ROBO2: variants seen among roughly 807,000 people sequenced by gnomAD.
The protein encoded by ROBO2 is roundabout homolog 2.
A neutral mutation model predicts 160.8 loss-of-function variants in ROBO2; 53 were observed. That is an observed-to-expected ratio of 0.33 (90% CI 0.26 to 0.41). The LOEUF (loss-of-function observed/expected upper bound fraction) is 0.41, where lower values mean the gene tolerates loss of function less well. Among genes scored for constraint, ROBO2 ranks in the 10% least tolerant of loss-of-function variants. The pLI, the probability that ROBO2 is intolerant of heterozygous loss-of-function variation, is 1.00. For synonymous variants in ROBO2, 664 were observed against 611.7 expected (o/e 1.09, Z -1.26); for missense variants, 1,577 against 1,722.4 (o/e 0.92, Z 1.49).
chr3:76,603,341 AAAAAAAAAAAAT>A (rs2087335462), intron 2 of ROBO2, among the ~76,000 whole-genome samples: 2 of 55,448 alleles, frequency 3.6e-5, no homozygotes, highest in South Asian at 7.0e-4. Context: ...CCAAAAAAAA[AAAAAAAAAAAAT>A]ATATATATAT....
chr3:76,129,776 TTTCTAGAA>T (rs1229769718), intron 2 of ROBO2, among the ~76,000 whole-genome samples: 1 of 152,020 alleles, frequency 6.6e-6, no homozygotes, highest in Non-Finnish European at 1.5e-5. Flanking sequence ...GCTTGGAGTT[TTTCTAGAA>T]TATTGATTCA....
chr3:77,516,306 G>A (rs1472979425), intron 5 of ROBO2, among the ~76,000 whole-genome samples: 1 of 151,516 alleles, frequency 6.6e-6, no homozygotes, highest in African/African-American at 2.4e-5. Context: ...TAAAATGGGG[G>A]AAATAATAGC....
At chr3:76,530,882 C>T (rs1213684671) in intron 2 of ROBO2, among the ~76,000 whole-genome samples, 1 of 152,176 alleles carries the variant, frequency 6.6e-6, no homozygotes, top group African/African-American at 2.4e-5. Flanking sequence ...CTCTCTTTAC[C>T]TTCATTTCCC....
intron 2 of ROBO2, among the ~76,000 whole-genome samples, chr3:75,979,804 C>T (rs1473520421): frequency 1.3e-5 from 2 of 151,474 alleles, no homozygotes; most frequent in Non-Finnish European, 3.0e-5. Context: ...TTAATTTCTT[C>T]CAAAGTATAA....
intron 2 of ROBO2, among the ~76,000 whole-genome samples, chr3:75,962,739 A>G (rs1483515292): frequency 6.6e-6 from 1 of 151,798 alleles, no homozygotes; most frequent in Non-Finnish European, 1.5e-5. Context: ...TTCTGTAGCA[A>G]TTGTTTTCCA....
At chr3:76,372,247 A>G (rs1191103788) in intron 2 of ROBO2, among the ~76,000 whole-genome samples, 2 of 151,888 alleles carry the variant, frequency 1.3e-5, no homozygotes, top group Non-Finnish European at 2.9e-5. Flanking sequence ...TGCAGAGTCT[A>G]AGAATATTAG....
chr3:77,237,411 T>TTGTGTGTGTATG (rs1553862750), intron 2 of ROBO2, among the ~76,000 whole-genome samples: 3 of 131,046 alleles, frequency 2.3e-5, no homozygotes, highest in African/African-American at 8.3e-5. Flanking sequence ...TTGTTTTGTT[T>TTGTGTGTGTATG]TGTGTGTGTG....
rs1261876928 is a variant in ROBO2, at chr3:77,635,059, TTA to T, written c.3934+17_3934+18del. 7 of 1,613,432 alleles carry T rather than the reference TTA, an allele frequency of 4.3e-6. No individual in the cohort carries two copies. The highest frequency in any genetic ancestry group is 5.1e-6 in the Non-Finnish European group (6 of 1,179,586). On this transcript the variant is annotated intron_variant, in intron 24 of 25. Coordinates refer to ENST00000461745, the Ensembl canonical transcript of ROBO2. ...ATGACAGATGGTAGGTTTCTTCCCT[TTA>T]CTCTTGTTTCCTCGCTGAAGAGACG...
intron 2 of ROBO2, among the ~76,000 whole-genome samples, chr3:77,161,441 C>CA (rs2078477893): frequency 6.6e-6 from 1 of 152,098 alleles, no homozygotes; most frequent in Non-Finnish European, 1.5e-5. Context: ...TTATTAAGGA[C>CA]AAATGTGTGT....
intron 24 of ROBO2, among the ~76,000 whole-genome samples, chr3:77,639,040 G>T (rs940060189): frequency 6.6e-6 from 1 of 151,764 alleles, no homozygotes. Context: ...ATGAGGGCCA[G>T]GCTAGTCTTG....
At chr3:76,268,265 C>T (rs549342601) in intron 2 of ROBO2, among the ~76,000 whole-genome samples, 1 of 147,360 alleles carries the variant, frequency 6.8e-6, no homozygotes, top group South Asian at 2.2e-4. Flanking sequence ...GCAAAGAAAG[C>T]GAAGGGGAGG....
At chr3:77,266,623 T>C (rs1487036926) in intron 2 of ROBO2, among the ~76,000 whole-genome samples, 1 of 152,162 alleles carries the variant, frequency 6.6e-6, no homozygotes, top group Non-Finnish European at 1.5e-5. Context: ...TGGGTAGTGA[T>C]GAACTTTGGA....
intron 1 of ROBO2, among the ~76,000 whole-genome samples, chr3:75,923,660 CCAGTT>C (rs1400210056): frequency 6.6e-6 from 1 of 152,108 alleles, no homozygotes; most frequent in Non-Finnish European, 1.5e-5. Flanking sequence ...CAAATGAAAT[CCAGTT>C]CAGAGGAGGA....
At chr3:76,443,385 G>C (rs2077017782) in intron 2 of ROBO2, among the ~76,000 whole-genome samples, 1 of 152,016 alleles carries the variant, frequency 6.6e-6, no homozygotes, top group Non-Finnish European at 1.5e-5. Flanking sequence ...TACCATCCAT[G>C]GTCTCCCGCA....
At chr3:76,268,987 A>T (rs1241473739) in intron 2 of ROBO2, among the ~76,000 whole-genome samples, 1 of 152,108 alleles carries the variant, frequency 6.6e-6, no homozygotes, top group Non-Finnish European at 1.5e-5. Context: ...GTTTAATATT[A>T]TTTGTTTCAT....
rs1245520546 is a variant in ROBO2 at position 77,397,654 on chromosome 3, T to A, written c.389-79760T>A. Among the ~76,000 whole-genome samples the A allele has an allele frequency of 2.0e-5, 3 of 152,288 alleles. No individual in the cohort carries two copies. The South Asian group carries it at 6.2e-4, about 32-fold the overall frequency. ...TTTTGGCAAATGTGTGTGTGTATGC[T>A]ATCTTCCTGTAAATAAGTGCCTATA... On this transcript the variant is annotated intron_variant, in intron 2 of 25. Transcript: ENST00000461745.
chr3:77,362,175 A>C (rs957376247), intron 2 of ROBO2, among the ~76,000 whole-genome samples: 7 of 152,198 alleles, frequency 4.6e-5, no homozygotes, highest in Non-Finnish European at 8.8e-5. Context: ...AGTCAATGAT[A>C]CTTGTTAAAG....
chr3:77,619,964 C>T (rs2094866559), intron 22 of ROBO2, among the ~76,000 whole-genome samples: 1 of 152,190 alleles, frequency 6.6e-6, no homozygotes, highest in South Asian at 2.1e-4. Flanking sequence ...CCTAGGTTTT[C>T]ACCCCTGAGT....
intron 2 of ROBO2, among the ~76,000 whole-genome samples, chr3:77,352,988 G>A (rs1406862975): frequency 1.3e-5 from 2 of 152,164 alleles, no homozygotes; most frequent in African/African-American, 4.8e-5. Context: ...TGTGCTACCT[G>A]TGTTTGATTG....
Sources: allele counts gnomAD v4.1 joint callset (sites outside exome capture counted in the v4.1 genomes callset), GRCh38; gene constraint gnomAD v4.1.1; transcripts MANE v1.5; gene names NCBI Gene and HGNC (gene_info 2026-07-23, HGNC 2026-07-21).